The following PPM1L variants were observed in gnomAD, a reference collection of about 807,000 sequenced individuals.
The protein encoded by PPM1L is protein phosphatase 1L.
A neutral mutation model predicts 31.4 loss-of-function variants in PPM1L; 13 were observed. The ratio of observed to expected loss-of-function variants is 0.41; its 90% CI spans 0.27 to 0.66. The LOEUF is 0.66. Ranked by LOEUF, PPM1L falls within the 30% of genes least tolerant of loss-of-function variation. PPM1L has a pLI of 0.29. For synonymous variants in PPM1L, 184 were observed against 175.4 expected, an observed-to-expected ratio of 1.05 and a Z score of -0.39; for missense variants, 326 against 453.7, an observed-to-expected ratio of 0.72 and a Z score of 2.56.
intron 2 of PPM1L, among the ~76,000 whole-genome samples, chr3:161,028,201 T>A (rs1006940669): frequency 6.6e-6 from 1 of 152,174 alleles, no homozygotes; most frequent in Non-Finnish European, 1.5e-5. Flanking sequence ...GACTCCCAAG[T>A]CCCTGGATTT....
At chr3:161,024,325 T>G (rs1320811110) in intron 2 of PPM1L, among the ~76,000 whole-genome samples, 1 of 150,528 alleles carries the variant, frequency 6.6e-6, no homozygotes, top group African/African-American at 2.4e-5. Context: ...ATGACTGCAG[T>G]GTTAAATAAT....
In PPM1L at chr3:160,933,161, G is replaced by T. The variant is rs1049778252; in HGVS notation, c.400-28575G>T. ...AAATCATAATTTCTTAGATAAAATT[G>T]CCTTGTATTATATGCCATTTTTTTT... On this transcript the variant is annotated intron_variant, in intron 1 of 3. Coordinates refer to ENST00000498165, the MANE Select transcript of PPM1L (RefSeq NM_139245.4). 2.6e-5 allele frequency among the ~76,000 whole-genome samples: 4 copies of T among 152,176 alleles called. 1 individual carries two copies. In the South Asian group the frequency reaches 8.3e-4, roughly 32 times the overall value.
intron 1 of PPM1L, among the ~76,000 whole-genome samples, chr3:160,838,050 GC>G (rs1713771796): frequency 6.6e-6 from 1 of 152,084 alleles, no homozygotes; most frequent in South Asian, 2.1e-4. Flanking sequence ...ATAGTAAGTT[GC>G]AAAAAAGGAA....
intron 2 of PPM1L, among the ~76,000 whole-genome samples, chr3:161,036,727 C>A (rs1205930198): frequency 6.6e-6 from 1 of 152,144 alleles, no homozygotes; most frequent in Non-Finnish European, 1.5e-5. Context: ...TAGTCATTAT[C>A]AACCTGTGGT....
At chr3:160,986,399 A>T (rs933525238) in intron 2 of PPM1L, among the ~76,000 whole-genome samples, 1 of 152,192 alleles carries the variant, frequency 6.6e-6, no homozygotes, top group African/African-American at 2.4e-5. Context: ...AGGTTTCCTG[A>T]GGCCTGAGTT....
chr3:160,808,716 C>T (rs369233943), intron 1 of PPM1L, among the ~76,000 whole-genome samples: 18 of 152,158 alleles, frequency 1.2e-4, no homozygotes, highest in African/African-American at 4.1e-4. Flanking sequence ...CAGTGGCTTC[C>T]CTCACAGAGC....
At chr3:160,948,180 GA>G (rs1319835848) in intron 1 of PPM1L, among the ~76,000 whole-genome samples, 1 of 152,088 alleles carries the variant, frequency 6.6e-6, no homozygotes, top group African/African-American at 2.4e-5. Context: ...TCAGACTTGG[GA>G]AAAAGATATA....
At chr3:160,771,938 C>A (rs911523220) in intron 1 of PPM1L, among the ~76,000 whole-genome samples, 1 of 151,866 alleles carries the variant, frequency 6.6e-6, no homozygotes, top group Non-Finnish European at 1.5e-5. Context: ...GAAGAGAGAC[C>A]AACTGGGGAT....
intron 2 of PPM1L, among the ~76,000 whole-genome samples, chr3:161,038,340 C>A (rs1718807672): frequency 6.6e-6 from 1 of 151,396 alleles, no homozygotes; most frequent in Non-Finnish European, 1.5e-5. Flanking sequence ...GAGACAGGGT[C>A]TCTCTCTGTC....
chr3:161,065,469 G>A lies in PPM1L; in HGVS notation c.641G>A (p.Arg214His), dbSNP rs1196378085. ...DLTVANVGDS[R>H]GVLCDKDGNA... ...ACTGTGGCCAACGTGGGTGACTCGC[G>A]CGGGGTCCTGTGTGACAAAGATGGG... is the stretch of plus-strand genomic sequence containing the variant. Residue 214 changes from arginine to histidine, a missense_variant, in exon 3 of 4, where the codon CGC becomes CAC. Around this residue, in one of 3 missense-constraint regions of PPM1L, gnomAD observed 201 missense variants for 298.2 expected, o/e 0.67. Transcript: ENST00000498165. 4 of 1,613,904 alleles carry A rather than the reference G, an allele frequency of 2.5e-6. No homozygotes were observed. The highest frequency in any genetic ancestry group is 1.1e-5 in the South Asian group (1 of 91,082).
intron 1 of PPM1L, among the ~76,000 whole-genome samples, chr3:160,927,201 C>A (rs1408683889): frequency 6.6e-6 from 1 of 152,178 alleles, no homozygotes; most frequent in South Asian, 2.1e-4. Context: ...ACACCAACGT[C>A]AACAAAGGCC....
chr3:161,035,707 C>G (rs897592173), intron 2 of PPM1L: 1 of 152,250 alleles, frequency 6.6e-6, no homozygotes, highest in Non-Finnish European at 1.5e-5. Flanking sequence ...TTGCCAGGAA[C>G]TTAACCAAAG....
intron 1 of PPM1L, among the ~76,000 whole-genome samples, chr3:160,827,714 A>G (rs1300567234): frequency 6.6e-6 from 1 of 151,998 alleles, no homozygotes; most frequent in East Asian, 1.9e-4. Context: ...AATGACTGAA[A>G]CAGATTCATG....
At chr3:160,872,965 T>C (rs549933542) in intron 1 of PPM1L, among the ~76,000 whole-genome samples, 17 of 152,292 alleles carry the variant, frequency 1.1e-4, no homozygotes, top group Admixed American at 4.6e-4. Flanking sequence ...ATACTGTTTA[T>C]GATGTGAGGA....
chr3:160,902,804 G>A (rs893446575), intron 1 of PPM1L, among the ~76,000 whole-genome samples: 2 of 152,074 alleles, frequency 1.3e-5, no homozygotes, highest in East Asian at 1.9e-4. Flanking sequence ...TGTTAGTTGT[G>A]GACATGCCTT....
At chr3:160,865,182 A>T (rs1027740463) in intron 1 of PPM1L, among the ~76,000 whole-genome samples, 1 of 152,246 alleles carries the variant, frequency 6.6e-6, no homozygotes, top group Non-Finnish European at 1.5e-5. Context: ...CAGTATAATG[A>T]CTAACCAGGA....
intron 2 of PPM1L, among the ~76,000 whole-genome samples, chr3:161,045,924 A>C (rs535132773): frequency 4.2e-4 from 64 of 151,960 alleles, no homozygotes; most frequent in African/African-American, 1.5e-3. Flanking sequence ...GTCCTGGCTA[A>C]CACAGTGAAA....
At chr3:160,873,247 C>T (rs902368527) in intron 1 of PPM1L, among the ~76,000 whole-genome samples, 19 of 152,122 alleles carry the variant, frequency 1.2e-4, no homozygotes, top group African/African-American at 4.6e-4. Flanking sequence ...GCATCTCTCC[C>T]TTATAAAAGC....
intron 1 of PPM1L, among the ~76,000 whole-genome samples, chr3:160,935,688 C>A (rs748755546): frequency 2.0e-4 from 31 of 152,182 alleles, no homozygotes; most frequent in Non-Finnish European, 4.6e-4. Flanking sequence ...CTAATTGTAC[C>A]AAATCAAAGT....
Sources: gnomAD v4.1 joint callset for allele counts (sites outside exome capture counted in the v4.1 genomes callset) on GRCh38, gnomAD v4.1.1 for gene constraint, gnomAD v4.1.1 regional missense constraint, MANE v1.5 for transcripts, NCBI Gene and HGNC (gene_info 2026-07-23, HGNC 2026-07-21) for gene names.